The following FCRL5 variants were observed in gnomAD, a reference collection of about 807,000 sequenced individuals.
FCRL5 encodes the protein Fc receptor-like protein 5.
In FCRL5, 79 loss-of-function variants were observed where a neutral mutation model predicts 92.1. The ratio of observed to expected loss-of-function variants is 0.86; its 90% CI spans 0.72 to 1.03. The LOEUF (loss-of-function observed/expected upper bound fraction) is 1.03, where lower values mean the gene tolerates loss of function less well. Ranked by LOEUF, FCRL5 falls within the 50% of genes least tolerant of loss-of-function variation. The pLI, the probability that FCRL5 is intolerant of heterozygous loss-of-function variation, is 0.00. For synonymous variants in FCRL5, 466 were observed against 469.3 expected, an observed-to-expected ratio of 0.99 and a Z score of 0.09; for missense variants, 1,160 against 1,181.1, an observed-to-expected ratio of 0.98 and a Z score of 0.26.
chr1:157,521,383 T>A (rs6427383), intron 10 of FCRL5, 91 bp from the exon 11 acceptor site: 1,107,121 of 1,418,094 alleles, frequency 0.78, 439,064 homozygotes, highest in South Asian at 0.84. Flanking sequence ...AAAAGTCATA[T>A]CTCAATCTTG....
At chr1:157,544,628 T>C in intron 4 of FCRL5, 82 bp from the exon 5 acceptor site, 1 of 1,526,706 alleles carries the variant, frequency 6.6e-7, no homozygotes, top group South Asian at 1.2e-5. Flanking sequence ...CAGCAGCACA[T>C]CCAAAAGCAG....
At chr1:157,548,935 G>A (rs1469563050) in intron 2 of FCRL5, among the ~76,000 whole-genome samples, 2 of 152,050 alleles carry the variant, frequency 1.3e-5, no homozygotes, top group Non-Finnish European at 2.9e-5. Context: ...CCATTACCAG[G>A]TATATAACCA....
At chr1:157,518,320 G>A in intron 15 of FCRL5, 109 bp downstream of exon 15, 3 of 890,048 alleles carry the variant, frequency 3.4e-6, no homozygotes, top group Non-Finnish European at 5.5e-6. Context: ...TGACCCAGTG[G>A]GAGGGGCGGC....
In FCRL5 at chr1:157,550,107, C is replaced by A. The variant is rs1651751003; in HGVS notation, c.32-527G>T. Among the ~76,000 whole-genome samples the A allele has an allele frequency of 2.6e-5, 4 of 152,020 alleles. No homozygotes were observed. In the South Asian group the frequency reaches 8.3e-4, roughly 32 times the overall value. ...GTGTGTGGTAAGAGGCGATTTCTACCTTTCAAGGTAGAAAGGGCACAGAAG... is the reference window on the plus strand; with the variant it reads ...GTGTGTGGTAAGAGGCGATTTCTACATTTCAAGGTAGAAAGGGCACAGAAG... On this transcript the variant is annotated intron_variant, in intron 1 of 16. Coordinates refer to ENST00000361835, the MANE Select transcript of FCRL5 (RefSeq NM_031281.3).
Position 157,515,340 on chromosome 1 carries a change from G to T in FCRL5, c.*335C>A. On this transcript the variant is annotated 3_prime_UTR_variant, in exon 17 of 17. Transcript: ENST00000361835. ...TGAAGGCCCACTCTCCCTTTGTGTG[G>T]TAAGACCCCCTCTGTGGGGGTGTGA... is the stretch of plus-strand genomic sequence containing the variant. 8.3e-6 allele frequency: 3 copies of T among 359,762 alleles called. No individual in the cohort carries two copies. The South Asian group carries it at 9.1e-5, about 11-fold the overall frequency. 22.3% of individuals were successfully genotyped at this position (359,762 alleles called of 1,614,324 possible).
At chr1:157,536,929 C>T (rs1388959484) in intron 7 of FCRL5, among the ~76,000 whole-genome samples, 1 of 152,228 alleles carries the variant, frequency 6.6e-6, no homozygotes, top group Non-Finnish European at 1.5e-5. Context: ...GTGAAGATTT[C>T]ATGGACACTT....
intron 15 of FCRL5, among the ~76,000 whole-genome samples, chr1:157,517,875 G>A (rs774000208): frequency 2.6e-5 from 4 of 152,148 alleles, no homozygotes; most frequent in Non-Finnish European, 5.9e-5. Context: ...GAGCCTTTGG[G>A]TGACAATTAT....
chr1:157,519,658 G>A, intron 13 of FCRL5, 85 bp downstream of exon 13: 5 of 1,448,414 alleles, frequency 3.5e-6, no homozygotes, highest in Admixed American at 3.4e-5. Context: ...CAGAAACTGT[G>A]CTCTTGGTAA....
intron 13 of FCRL5, 95 bp downstream of exon 13, chr1:157,519,648 C>T (rs911142741): frequency 2.1e-5 from 29 of 1,386,272 alleles, no homozygotes; most frequent in Non-Finnish European, 2.7e-5. Context: ...CAGCACCTGG[C>T]AGAAACTGTG....
intron 6 of FCRL5, among the ~76,000 whole-genome samples, chr1:157,541,512 C>T (rs1380710265): frequency 2.0e-5 from 3 of 152,228 alleles, no homozygotes; most frequent in South Asian, 2.1e-4. Flanking sequence ...CGTCAAGAAC[C>T]GACTGCCCCT....
chr1:157,533,079 T>C (rs1650771404), intron 8 of FCRL5: 1 of 152,236 alleles, frequency 6.6e-6, no homozygotes, highest in Admixed American at 6.5e-5. Context: ...TTGATGTTTT[T>C]CTTTCTGAGA....
chr1:157,529,970 TA>T (rs1360088998), intron 8 of FCRL5, among the ~76,000 whole-genome samples: 1 of 152,184 alleles, frequency 6.6e-6, no homozygotes, highest in African/African-American at 2.4e-5. Flanking sequence ...GAAATTTTTT[TA>T]AAAATGAAAA....
At position 157,552,464 on chromosome 1, in the gene FCRL5, CAA is replaced by C. The variant is rs1651865938; in HGVS notation, c.-104_-103del. 8.5e-7 allele frequency: 1 copy of C among 1,180,742 alleles called. No homozygotes were observed. Among genetic ancestry groups the C allele is most frequent in the African/African-American group, 1.5e-5 (1 of 66,380 alleles). The allele number at this position is 1,180,742 out of a possible 1,614,324, so 73.1% of individuals were successfully genotyped here. A position where few individuals can be genotyped will look rare whatever the true frequency, so the allele number is the denominator to read the frequency against. ...CAGTCAGGACACTGCACACCAGCTC[CAA>C]GGAGCACATCTGAGAAGCTGTGCTC... On this transcript the variant is annotated 5_prime_UTR_variant, in exon 1 of 17. An upstream open reading frame in the 5' UTR loses its in-frame stop. Coordinates refer to ENST00000361835, the MANE Select transcript of FCRL5 (RefSeq NM_031281.3).
intron 15 of FCRL5, 130 bp from the exon 16 acceptor site, chr1:157,516,003 C>A (rs760654665): frequency 2.9e-4 from 283 of 977,808 alleles, no homozygotes; most frequent in Non-Finnish European, 4.3e-4. Context: ...AGCCATTCCT[C>A]TTAGTTGGTG....
Position 157,521,006 on chromosome 1 carries a change from G to A in FCRL5, c.2515+11C>T, listed in dbSNP as rs376163642. 1.3e-6 allele frequency: 2 copies of A among 1,590,952 alleles called. No homozygotes were observed. Among genetic ancestry groups the A allele is most frequent in the African/African-American group, 1.3e-5 (1 of 74,164 alleles). Reference sequence around the variant, plus strand: ...TTGTCCGCATCTGTGGCCCGGGCACGGGAAACTTACCTGTGATATAAAGTG... The same window carrying A: ...TTGTCCGCATCTGTGGCCCGGGCACAGGAAACTTACCTGTGATATAAAGTG... On this transcript the variant is annotated intron_variant, in intron 11 of 16. Transcript: ENST00000361835.
chr1:157,549,058 G>A (rs1345709006), intron 2 of FCRL5, among the ~76,000 whole-genome samples: 1 of 152,012 alleles, frequency 6.6e-6, no homozygotes, highest in African/African-American at 2.4e-5. Context: ...ATGATAGACT[G>A]GATCAAGGAA....
At chr1:157,544,769 C>T in intron 4 of FCRL5, 62 bp downstream of exon 4, 1 of 1,598,748 alleles carries the variant, frequency 6.3e-7, no homozygotes, top group Non-Finnish European at 8.5e-7. Context: ...CCTGTTCTAT[C>T]TCTATGACCC....
chr1:157,522,734 C>T (rs565133879), intron 10 of FCRL5: 13 of 152,308 alleles, frequency 8.5e-5, no homozygotes, highest in African/African-American at 3.1e-4. Flanking sequence ...AACCCTTTAG[C>T]TGTGATAACA....
At position 157,514,275 on chromosome 1, in the gene FCRL5, T is replaced by A. The variant is rs1356941183; in HGVS notation, c.*1400A>T. Reference sequence around the variant, plus strand: ...ATAAAAGCGGAACAGAACATCCCATTGCTCAGAGATGGGAGAACAACTCTG... The same window carrying A: ...ATAAAAGCGGAACAGAACATCCCATAGCTCAGAGATGGGAGAACAACTCTG... On this transcript the variant is annotated 3_prime_UTR_variant, in exon 17 of 17. Transcript: ENST00000361835. 1 of 152,262 alleles carries A rather than the reference T, an allele frequency of 6.6e-6. No individual in the cohort carries two copies. The highest frequency in any genetic ancestry group is 2.4e-5 in the African/African-American group (1 of 41,468). The allele number at this position is 152,262 out of a possible 1,614,324, so 9.4% of individuals were successfully genotyped here.
Sources: gnomAD v4.1 joint callset for allele counts (sites outside exome capture counted in the v4.1 genomes callset) on GRCh38, gnomAD v4.1.1 for gene constraint, MANE v1.5 for transcripts, NCBI Gene and HGNC (gene_info 2026-07-23, HGNC 2026-07-21) for gene names.